CNTNAP2: variants seen among roughly 807,000 people sequenced by gnomAD.
CNTNAP2 encodes the protein contactin associated protein 2.
In CNTNAP2, 98 loss-of-function variants were observed where a neutral mutation model predicts 155.2. The ratio of observed to expected loss-of-function variants is 0.63; its 90% CI spans 0.54 to 0.75. The LOEUF is 0.75. CNTNAP2 is among the 30% of genes least tolerant of loss of function. CNTNAP2 has a pLI of 0.00. For synonymous variants in CNTNAP2, 651 were observed against 631.2 expected (o/e 1.03, Z -0.47); for missense variants, 1,727 against 1,688.1 (o/e 1.02, Z -0.40).
intron 14 of CNTNAP2, among the ~76,000 whole-genome samples, chr7:147,973,199 A>ATCAC (rs1166403827): frequency 6.8e-6 from 1 of 146,760 alleles, no homozygotes; most frequent in African/African-American, 2.5e-5. Flanking sequence ...GTGCTGTAGG[A>ATCAC]TCACAAAAAC....
At chr7:148,248,280 C>A (rs535748748) in intron 20 of CNTNAP2, among the ~76,000 whole-genome samples, 10 of 152,006 alleles carry the variant, frequency 6.6e-5, no homozygotes, top group African/African-American at 1.4e-4. Flanking sequence ...TTCACTGCAA[C>A]CTCCACCTCC....
At chr7:147,905,887 A>G (rs1799948230) in intron 14 of CNTNAP2, among the ~76,000 whole-genome samples, 1 of 151,700 alleles carries the variant, frequency 6.6e-6, no homozygotes, top group Admixed American at 6.6e-5. Flanking sequence ...GTGAAACTCC[A>G]TCTCAAAAAA....
At chr7:146,495,063 C>A (rs895143799) in intron 1 of CNTNAP2, among the ~76,000 whole-genome samples, 2 of 152,070 alleles carry the variant, frequency 1.3e-5, no homozygotes, top group Non-Finnish European at 2.9e-5. Context: ...TTGAAGGAGG[C>A]GCTTTGGGCA....
rs1188035122 is a variant in CNTNAP2, at chr7:147,225,741, A to AGG, written c.1349-74400_1349-74399insGG. Among the ~76,000 whole-genome samples the AGG allele has an allele frequency of 3.7e-5, 5 of 136,718 alleles. No homozygotes were observed. In the South Asian group the frequency reaches 9.8e-4, roughly 27 times the overall value. The allele number at this position is 136,718 out of a possible 152,430, so 89.7% of individuals were successfully genotyped here. The stretch of plus-strand genomic sequence containing the variant: ...TCCAAGTACTTTAAGTTAGGAAGGA[A>AGG]AGAAGGAAGGAAGGAAGGAAGGAAG... On this transcript the variant is annotated intron_variant, in intron 8 of 23. Coordinates refer to ENST00000361727, the MANE Select transcript of CNTNAP2 (RefSeq NM_014141.6).
At chr7:148,379,602 C>T (rs764929251) in intron 21 of CNTNAP2, among the ~76,000 whole-genome samples, 3 of 152,050 alleles carry the variant, frequency 2.0e-5, no homozygotes, top group Admixed American at 6.6e-5. Context: ...GTTCCAGCTA[C>T]TCAAAGAGGC....
At chr7:147,319,282 G>A (rs1028394258) in intron 9 of CNTNAP2, among the ~76,000 whole-genome samples, 4 of 152,006 alleles carry the variant, frequency 2.6e-5, no homozygotes, top group African/African-American at 9.7e-5. Flanking sequence ...ATTTTTATTA[G>A]GGAAGTTAAT....
rs180900094 is a variant in CNTNAP2, at chr7:147,805,481, G to A, written c.2099-98084G>A. Among the ~76,000 whole-genome samples the A allele has an allele frequency of 3.8e-4, 58 of 152,324 alleles. 1 individual carries two copies. In the East Asian group the frequency reaches 8.7e-3, roughly 23 times the overall value. On this transcript the variant is annotated intron_variant, in intron 13 of 23. Transcript: ENST00000361727. ...ACCATGTTGAATAAAAGTGGAGAAA[G>A]TGGGCATCCTTGTCTTGTTCCAGAT...
chr7:147,048,452 T>G (rs576057806), intron 4 of CNTNAP2, among the ~76,000 whole-genome samples: 1 of 152,290 alleles, frequency 6.6e-6, no homozygotes, highest in African/African-American at 2.4e-5. Flanking sequence ...TCCGAAGTTG[T>G]GAAAGAACAA....
chr7:147,913,280 T>G (rs1465828136), intron 14 of CNTNAP2, among the ~76,000 whole-genome samples: 2 of 152,190 alleles, frequency 1.3e-5, no homozygotes, highest in Non-Finnish European at 2.9e-5. Context: ...GAAAAATCAC[T>G]TCGCAAGGAA....
At chr7:146,463,746 A>G (rs1796674195) in intron 1 of CNTNAP2, among the ~76,000 whole-genome samples, 2 of 152,154 alleles carry the variant, frequency 1.3e-5, no homozygotes, top group Admixed American at 1.3e-4. Context: ...AGTAACTTAA[A>G]ATATTTTGAC....
At chr7:147,409,090 T>C (rs972397964) in intron 10 of CNTNAP2, among the ~76,000 whole-genome samples, 2 of 152,226 alleles carry the variant, frequency 1.3e-5, no homozygotes, top group Non-Finnish European at 2.9e-5. Context: ...CCCCAAACAA[T>C]GTCTTAACTG....
intron 8 of CNTNAP2, among the ~76,000 whole-genome samples, chr7:147,232,777 AC>A (rs1803712421): frequency 7.4e-6 from 1 of 135,376 alleles, no homozygotes; most frequent in African/African-American, 2.9e-5. Flanking sequence ...CTTGGTAATG[AC>A]TTTTTTAAAA....
chr7:147,016,503 C>G (rs1052123894), intron 3 of CNTNAP2, among the ~76,000 whole-genome samples: 4 of 152,014 alleles, frequency 2.6e-5, no homozygotes, highest in African/African-American at 7.2e-5. Flanking sequence ...TCCATACAAA[C>G]TACTTTTTCT....
intron 11 of CNTNAP2, among the ~76,000 whole-genome samples, chr7:147,508,442 A>G (rs936953175): frequency 6.6e-6 from 1 of 152,130 alleles, no homozygotes; most frequent in Admixed American, 6.5e-5. Flanking sequence ...TTCAGGTCAT[A>G]CTTCAACACA....
At chr7:147,491,848 C>T (rs1335849809) in intron 11 of CNTNAP2, among the ~76,000 whole-genome samples, 1 of 151,890 alleles carries the variant, frequency 6.6e-6, no homozygotes, top group Non-Finnish European at 1.5e-5. Context: ...AAAATAATAC[C>T]AAAAACTACC....
intron 2 of CNTNAP2, among the ~76,000 whole-genome samples, chr7:146,800,300 C>G (rs2129191278): frequency 6.6e-6 from 1 of 152,220 alleles, no homozygotes; most frequent in East Asian, 1.9e-4. Context: ...CTCAGTGAAG[C>G]CAGCACTGCT....
intron 1 of CNTNAP2, among the ~76,000 whole-genome samples, chr7:146,480,440 T>G (rs1439070574): frequency 2.6e-5 from 4 of 151,840 alleles, no homozygotes; most frequent in Non-Finnish European, 5.9e-5. Context: ...ATATGTAATT[T>G]TATGTAATTA....
In CNTNAP2 at chr7:147,254,535, C is replaced by T. The variant is rs541309332; in HGVS notation, c.1349-45606C>T. Among the ~76,000 whole-genome samples, 242 of 151,622 alleles carry T rather than the reference C, an allele frequency of 1.6e-3. 1 individual carries two copies. The highest frequency in any genetic ancestry group is 5.5e-3 in the African/African-American group (228 of 41,366). ...GTTGATTTTTTTTTTCTATTCATTC[C>T]TTCTGTATAAGAAATAATGGAGAAA... On this transcript the variant is annotated intron_variant, in intron 8 of 23. Transcript: ENST00000361727.
In CNTNAP2 at chr7:147,348,425, T is replaced by A. The variant is rs1160144345; in HGVS notation, c.1499-47184T>A. On this transcript the variant is annotated intron_variant, in intron 9 of 23. Coordinates refer to ENST00000361727, the MANE Select transcript of CNTNAP2 (RefSeq NM_014141.6). ...TCAACATTACTAATTATCAGGCAAATACAAATCAAAAATCACAATAAGTTA... is the reference window on the plus strand; with the variant it reads ...TCAACATTACTAATTATCAGGCAAAAACAAATCAAAAATCACAATAAGTTA... 2.7e-5 allele frequency among the ~76,000 whole-genome samples: 4 copies of A among 149,714 alleles called. No homozygotes were observed. The East Asian group carries it at 7.8e-4, about 29-fold the overall frequency.
Sources: gnomAD v4.1 joint callset for allele counts (sites outside exome capture counted in the v4.1 genomes callset) on GRCh38, gnomAD v4.1.1 for gene constraint, MANE v1.5 for transcripts, NCBI Gene and HGNC (gene_info 2026-07-23, HGNC 2026-07-21) for gene names.